NFX1: variants seen among roughly 807,000 people sequenced by gnomAD.
NFX1 encodes transcriptional repressor NF-X1.
NFX1 carries 69 observed loss-of-function variants against 137.2 expected under a neutral mutation model. That is an observed-to-expected ratio of 0.50 (90% CI 0.41 to 0.61). The LOEUF is 0.61. NFX1 is among the 20% of genes least tolerant of loss of function. The pLI is 0.00. For missense variants in NFX1, 1,167 were observed against 1,391.0 expected, an observed-to-expected ratio of 0.84 and a Z score of 2.56; for synonymous variants, 495 against 474.1, an observed-to-expected ratio of 1.04 and a Z score of -0.57.
chr9:33,296,476 C>T (rs1821359601), intron 2 of NFX1, among the ~76,000 whole-genome samples: 1 of 152,214 alleles, frequency 6.6e-6, no homozygotes, highest in Non-Finnish European at 1.5e-5. Flanking sequence ...ACCTGTAATT[C>T]CTGCACTTGG....
chr9:33,315,524 C>A (rs112322350), intron 7 of NFX1, among the ~76,000 whole-genome samples: 1 of 152,088 alleles, frequency 6.6e-6, no homozygotes, highest in Non-Finnish European at 1.5e-5. Context: ...CTTTCCCCAG[C>A]GTTTCCTTTC....
intron 11 of NFX1, among the ~76,000 whole-genome samples, chr9:33,337,163 G>C (rs1467596950): frequency 1.3e-5 from 2 of 152,112 alleles, no homozygotes; most frequent in Admixed American, 6.6e-5. Flanking sequence ...AACACACTCA[G>C]CCAGCCTTCC....
chr9:33,310,449 C>A (rs12002437), intron 5 of NFX1, among the ~76,000 whole-genome samples: 260 of 152,192 alleles, frequency 1.7e-3, no homozygotes, highest in African/African-American at 6.2e-3. Context: ...CGTATTGTAA[C>A]TTTTTTCTAT....
chr9:33,339,131 G>A (rs773390069), intron 12 of NFX1, among the ~76,000 whole-genome samples: 31 of 151,818 alleles, frequency 2.0e-4, no homozygotes, highest in South Asian at 4.2e-4. Flanking sequence ...AAAATATAAC[G>A]TATGCTATAT....
chr9:33,349,666 A>G (rs1823562896), intron 15 of NFX1, among the ~76,000 whole-genome samples: 1 of 151,388 alleles, frequency 6.6e-6, no homozygotes, highest in African/African-American at 2.4e-5. Flanking sequence ...GAAACAGGCC[A>G]TTTTTCAAGA....
At chr9:33,297,121 C>A (rs540802844) in intron 2 of NFX1, among the ~76,000 whole-genome samples, 7 of 152,292 alleles carry the variant, frequency 4.6e-5, no homozygotes, top group African/African-American at 1.2e-4. Context: ...ACAGCTCCCC[C>A]TCTCCTTACT....
chr9:33,290,560 T>A lies in NFX1; in HGVS notation c.-13T>A. On this transcript the variant is annotated 5_prime_UTR_variant, in exon 1 of 24. Coordinates refer to ENST00000379540, the MANE Select transcript of NFX1 (RefSeq NM_002504.6). ...CTTGGCTGTACAGCTCGATCTAGGT[T>A]CTGCGGCACGGGATGGCGGAGGCGC... is the stretch of plus-strand genomic sequence containing the variant. 1 of 1,614,064 alleles carries A rather than the reference T, an allele frequency of 6.2e-7. No homozygotes were observed. Among genetic ancestry groups the A allele is most frequent in the Non-Finnish European group, 8.5e-7 (1 of 1,180,010 alleles).
intron 9 of NFX1, among the ~76,000 whole-genome samples, chr9:33,324,709 C>T (rs998242765): frequency 2.6e-5 from 4 of 151,732 alleles, no homozygotes; most frequent in African/African-American, 7.3e-5. Flanking sequence ...AGGCGAATCA[C>T]GAGGTCAGGA....
chr9:33,366,602 A>C, intron 21 of NFX1, 27 bp from the exon 22 acceptor site: 1 of 1,612,158 alleles, frequency 6.2e-7, no homozygotes, highest in Non-Finnish European at 8.5e-7. Context: ...TGATATGATC[A>C]ATCAGTCATC....
intron 4 of NFX1, among the ~76,000 whole-genome samples, chr9:33,305,574 A>G (rs1331215930): frequency 6.6e-6 from 1 of 152,224 alleles, no homozygotes; most frequent in African/African-American, 2.4e-5. Flanking sequence ...GTTTGGTAGC[A>G]GTGAGTAGAG....
At chr9:33,309,714 A>G (rs980115300) in intron 5 of NFX1, among the ~76,000 whole-genome samples, 1 of 152,130 alleles carries the variant, frequency 6.6e-6, no homozygotes, top group African/African-American at 2.4e-5. Flanking sequence ...TGCACCCTTG[A>G]ACTCCTGGGC....
intron 9 of NFX1, among the ~76,000 whole-genome samples, chr9:33,320,039 G>A (rs1463146648): frequency 6.7e-6 from 1 of 149,986 alleles, no homozygotes; most frequent in African/African-American, 2.5e-5. Context: ...TTGGCTCACT[G>A]CAACCTCTAC....
In NFX1 at chr9:33,337,526, A is replaced by AT. The variant is rs984016164; in HGVS notation, c.2036-976dup. Among the ~76,000 whole-genome samples the AT allele has an allele frequency of 2.2e-4, 34 of 151,938 alleles. 1 individual carries two copies. The highest frequency in any genetic ancestry group is 1.0e-3 in the South Asian group (5 of 4,812). ...CCACACCTTAAACACTACCGTTGCT[A>AT]TTTTTTTTATTTTTTGAGTTTTAAA... On this transcript the variant is annotated intron_variant, in intron 11 of 23. Transcript: ENST00000379540.
intron 3 of NFX1, 112 bp from the exon 4 acceptor site, chr9:33,303,079 G>A (rs530731601): frequency 1.6e-6 from 1 of 642,326 alleles, no homozygotes; most frequent in African/African-American, 1.9e-5. Flanking sequence ...GCTTAACATT[G>A]AAATTATTAC....
At chr9:33,364,975 A>G in intron 21 of NFX1, 1 of 1,389,808 alleles carries the variant, frequency 7.2e-7, no homozygotes, top group South Asian at 1.5e-5. Flanking sequence ...AGTTGACTGC[A>G]GAAAAGATCT....
intron 11 of NFX1, among the ~76,000 whole-genome samples, chr9:33,335,233 T>C (rs370220750): frequency 9.4e-4 from 140 of 148,566 alleles, no homozygotes; most frequent in South Asian, 2.4e-3. Flanking sequence ...TTTTCTTTTT[T>C]TTTTTTTTTT....
At chr9:33,327,680 A>G (rs917154174) in intron 9 of NFX1, among the ~76,000 whole-genome samples, 1 of 152,164 alleles carries the variant, frequency 6.6e-6, no homozygotes, top group South Asian at 2.1e-4. Context: ...GACAATCTTT[A>G]TAGTCAAAGA....
chr9:33,338,438 C>T (rs1011859792), intron 11 of NFX1, 72 bp from the exon 12 acceptor site: 1 of 1,274,522 alleles, frequency 7.8e-7, no homozygotes, highest in African/African-American at 1.5e-5. Context: ...CCTATAGTTA[C>T]TCAAATATTT....
In NFX1 at chr9:33,294,571, G is replaced by A. The variant is rs750881272; in HGVS notation, c.177G>A (p.Gln59=). Residue 59 remains glutamine, a synonymous_variant, in exon 2 of 24, where the codon CAG becomes CAA. Coordinates refer to ENST00000379540, the MANE Select transcript of NFX1 (RefSeq NM_002504.6). The stretch of plus-strand genomic sequence containing the variant: ...CACCTCCCTGTCACCTTTCCAGGCA[G>A]GTCCCTTATGATGAAATCTCTGCTG... ...SSPPPCHLSR[Q]VPYDEISAVH... is the part of the protein sequence containing the mutation. 6.2e-7 allele frequency: 1 copy of A among 1,614,156 alleles called. No individual in the cohort carries two copies. The highest frequency in any genetic ancestry group is 1.1e-5 in the South Asian group (1 of 91,080).
Sources: allele counts gnomAD v4.1 joint callset (sites outside exome capture counted in the v4.1 genomes callset), GRCh38; gene constraint gnomAD v4.1.1; transcripts MANE v1.5; gene names NCBI Gene and HGNC (gene_info 2026-07-23, HGNC 2026-07-21).